Variants in PUS7 observed in about 807,000 individuals in gnomAD.
PUS7 encodes the protein pseudouridylate synthase 7 homolog.
In PUS7, 48 loss-of-function variants were observed where a neutral mutation model predicts 79.8. The ratio of observed to expected loss-of-function variants is 0.60; its 90% CI spans 0.48 to 0.76. PUS7 has a LOEUF of 0.76. Ranked by LOEUF, PUS7 falls within the 30% of genes least tolerant of loss-of-function variation. PUS7 has a pLI of 0.00. For synonymous variants in PUS7, 286 were observed against 272.2 expected, an observed-to-expected ratio of 1.05 and a Z score of -0.50; for missense variants, 729 against 797.6, an observed-to-expected ratio of 0.91 and a Z score of 1.04.
chr7:105,488,372 T>C (rs1824638266), intron 7 of PUS7, among the ~76,000 whole-genome samples: 1 of 152,054 alleles, frequency 6.6e-6, no homozygotes. Flanking sequence ...TTGGTACCAC[T>C]TTTTTGCAGG....
chr7:105,472,365 T>C (rs559594234), intron 9 of PUS7, among the ~76,000 whole-genome samples, 172 bp from the exon 10 acceptor site: 4 of 152,252 alleles, frequency 2.6e-5, no homozygotes, highest in Admixed American at 2.6e-4. Context: ...TTTCCCACCA[T>C]CCTGACAGTA....
In PUS7 at chr7:105,472,920, CTTTTTT is replaced by C. The variant is rs758552553; in HGVS notation, c.1176-733_1176-728del. Among the ~76,000 whole-genome samples, 11 of 116,386 alleles carry C rather than the reference CTTTTTT, an allele frequency of 9.5e-5. No homozygotes were observed. In the South Asian group the frequency reaches 3.0e-3, roughly 32 times the overall value. The allele number at this position is 116,386 out of a possible 152,430, so 76.4% of individuals were successfully genotyped here. ...AGGCACCTGCCACCTTGCCCAGCTA[CTTTTTT>C]TTTTTTTTTTTTTTTTAGTAGAGAT... On this transcript the variant is annotated intron_variant, in intron 9 of 15. Coordinates refer to ENST00000469408, the MANE Select transcript of PUS7 (RefSeq NM_019042.5).
intron 1 of PUS7, among the ~76,000 whole-genome samples, chr7:105,516,847 G>C (rs73190163): frequency 1.3e-5 from 2 of 151,896 alleles, no homozygotes; most frequent in Non-Finnish European, 2.9e-5. Context: ...ATTGCAAAGA[G>C]AAAACAAGCC....
At position 105,514,230 on chromosome 7, in the gene PUS7, CA is replaced by C. The variant is rs566219163; in HGVS notation, c.-32-5687del. Among the ~76,000 whole-genome samples, 370 of 76,792 alleles carry C rather than the reference CA, an allele frequency of 4.8e-3. 7 individuals are homozygous for C. The highest frequency in any genetic ancestry group is 0.011 in the African/African-American group (177 of 15,702). The allele number at this position is 76,792 out of a possible 152,430, so 50.4% of individuals were successfully genotyped here. ...TGGGTGACAGAGCAAGACTCCGTCT[CA>C]AAAAAAAAAAAAAATAGTTATTATG... On this transcript the variant is annotated intron_variant, in intron 1 of 15. Coordinates refer to ENST00000469408, the MANE Select transcript of PUS7 (RefSeq NM_019042.5).
intron 1 of PUS7, 90 bp downstream of exon 1, chr7:105,521,949 CTTCCCAGTCCGCA>C (rs1410069060): frequency 1.3e-5 from 2 of 152,586 alleles, no homozygotes; most frequent in Non-Finnish European, 2.9e-5. Flanking sequence ...CCCAGTCCGC[CTTCCCAGTCCGCA>C]CTGCCTCTTG....
At chr7:105,517,787 G>A (rs1825953042) in intron 1 of PUS7, among the ~76,000 whole-genome samples, 1 of 151,946 alleles carries the variant, frequency 6.6e-6, no homozygotes, top group South Asian at 2.1e-4. Context: ...CAGGTAGATG[G>A]CTTGAGACCA....
intron 5 of PUS7, 192 bp from the exon 6 acceptor site, chr7:105,495,445 C>T (rs1824973660): frequency 2.3e-6 from 1 of 434,408 alleles, no homozygotes; most frequent in African/African-American, 2.0e-5. Flanking sequence ...ATTATCTATC[C>T]ATATTAAAAA....
intron 7 of PUS7, among the ~76,000 whole-genome samples, chr7:105,489,138 A>C (rs1334161454): frequency 6.7e-5 from 9 of 135,304 alleles, no homozygotes; most frequent in Admixed American, 6.0e-4. Context: ...ACAGAGCGAA[A>C]CTCCATCTCA....
intron 7 of PUS7, among the ~76,000 whole-genome samples, chr7:105,489,989 T>C (rs818454): frequency 0.95 from 143,960 of 151,992 alleles, 68,217 homozygotes; most frequent in African/African-American, 0.98. Context: ...TGCACTGGTG[T>C]ATGCCTGTAA....
At chr7:105,494,776 G>A (rs1344373420) in intron 6 of PUS7, among the ~76,000 whole-genome samples, 5 of 151,902 alleles carry the variant, frequency 3.3e-5, no homozygotes, top group African/African-American at 9.6e-5. Flanking sequence ...ACAGGAGTTC[G>A]AGACCAGCCT....
At chr7:105,498,485 G>C (rs1280325475) in intron 5 of PUS7, among the ~76,000 whole-genome samples, 1 of 152,192 alleles carries the variant, frequency 6.6e-6, no homozygotes, top group Non-Finnish European at 1.5e-5. Context: ...GCCTAACAAG[G>C]CAGTCCCAGT....
chr7:105,496,491 G>A (rs1010725315), intron 5 of PUS7, among the ~76,000 whole-genome samples: 6 of 151,996 alleles, frequency 3.9e-5, no homozygotes, highest in South Asian at 2.1e-4. Flanking sequence ...ACAATTCCTA[G>A]AAAGAGTCCT....
In PUS7 at chr7:105,508,871, TAAAAAAAAAAAAAAA is replaced by T. The variant is rs34249093; in HGVS notation, c.-32-342_-32-328del. Among the ~76,000 whole-genome samples the T allele has an allele frequency of 1.0e-3, 23 of 22,928 alleles. 1 individual carries two copies. In the Admixed American group the frequency reaches 0.019, roughly 19 times the overall value. 15.0% of individuals were successfully genotyped at this position (22,928 alleles called of 152,430 possible). A position where few individuals can be genotyped will look rare whatever the true frequency, so the allele number is the denominator to read the frequency against. ...TGGGCGACAGAGTGAGACATTGTCT[TAAAAAAAAAAAAAAA>T]AAAAAAAAAAAAGGTCAGGCACGGT... On this transcript the variant is annotated intron_variant, in intron 1 of 15. Coordinates refer to ENST00000469408, the MANE Select transcript of PUS7 (RefSeq NM_019042.5).
chr7:105,496,196 CATATATATAT>C (rs1159713098), intron 5 of PUS7, among the ~76,000 whole-genome samples: 38 of 81,534 alleles, frequency 4.7e-4, no homozygotes, highest in African/African-American at 1.5e-3. Flanking sequence ...CACACACACA[CATATATATAT>C]ATATATATAT....
chr7:105,467,875 TAC>T (rs1215641072), intron 12 of PUS7, among the ~76,000 whole-genome samples: 1 of 151,852 alleles, frequency 6.6e-6, no homozygotes, highest in Non-Finnish European at 1.5e-5. Context: ...TCTTTAAAAA[TAC>T]AGATACAAAC....
At chr7:105,520,201 T>TGTAA (rs1407584632) in intron 1 of PUS7, among the ~76,000 whole-genome samples, 2 of 152,180 alleles carry the variant, frequency 1.3e-5, no homozygotes, top group Non-Finnish European at 2.9e-5. Context: ...GGCTCACGCC[T>TGTAA]GTAATCCCAG....
At chr7:105,496,900 T>C in intron 5 of PUS7, 1 of 1,145,866 alleles carries the variant, frequency 8.7e-7, no homozygotes, top group South Asian at 1.7e-5. Context: ...TTAGCACTTG[T>C]GACAAAATCT....
At chr7:105,516,870 G>C (rs918617442) in intron 1 of PUS7, among the ~76,000 whole-genome samples, 1 of 152,070 alleles carries the variant, frequency 6.6e-6, no homozygotes, top group Non-Finnish European at 1.5e-5. Flanking sequence ...ACTACCCCAA[G>C]GTGAGAGGCC....
intron 5 of PUS7, 100 bp downstream of exon 5, chr7:105,502,320 C>A (rs1825285463): frequency 2.1e-6 from 3 of 1,398,102 alleles, no homozygotes; most frequent in South Asian, 2.5e-5. Flanking sequence ...CTCTGAGCAG[C>A]ACTATAGTAG....
Sources: allele counts gnomAD v4.1 joint callset (sites outside exome capture counted in the v4.1 genomes callset), GRCh38; gene constraint gnomAD v4.1.1; transcripts MANE v1.5; gene names NCBI Gene and HGNC (gene_info 2026-07-23, HGNC 2026-07-21).